Variants in GRTP1 observed in about 807,000 individuals in gnomAD.
The protein encoded by GRTP1 is growth hormone regulated TBC protein 1.
A neutral mutation model predicts 38.1 loss-of-function variants in GRTP1; 56 were observed. That is an observed-to-expected ratio of 1.47 (90% CI 1.19 to 1.84). The LOEUF (loss-of-function observed/expected upper bound fraction) is 1.84, where lower values mean the gene tolerates loss of function less well. GRTP1 is among the 40% of genes most tolerant of loss of function. The pLI, the probability that GRTP1 is intolerant of heterozygous loss-of-function variation, is 0.00. For synonymous variants in GRTP1, 217 were observed against 189.5 expected (o/e 1.14, Z -1.19); for missense variants, 506 against 453.9 (o/e 1.11, Z -1.04).
chr13:113,361,210 TAAAA>T (rs60140159), intron 2 of GRTP1, among the ~76,000 whole-genome samples: 6 of 125,354 alleles, frequency 4.8e-5, no homozygotes, highest in Non-Finnish European at 6.5e-5. Flanking sequence ...AGACCAATGC[TAAAA>T]AAAAAAAAAA....
chr13:113,347,628 ACCTGGGAGGACCTCTGTGGCTGAG>A (rs1209700450), intron 4 of GRTP1, among the ~76,000 whole-genome samples: 7 of 63,024 alleles, frequency 1.1e-4, no homozygotes, highest in East Asian at 3.0e-4. Context: ...CTGAGAGCGG[ACCTGGGAGGACCTCTGTGGCTGAG>A]CAGATCTGGG....
Position 113,325,780 on chromosome 13 carries a change from T to G in GRTP1, c.802A>C (p.Thr268Pro). 1.2e-6 allele frequency: 2 copies of G among 1,614,160 alleles called. No homozygotes were observed. Among genetic ancestry groups the G allele is most frequent in the South Asian group, 1.1e-5 (1 of 91,082 alleles). ...GSKIIFRVALTLIKQHQELIL... is the reference protein window; with the variant it reads ...GSKIIFRVALPLIKQHQELIL... The stretch of plus-strand genomic sequence containing the variant: ...AACTCCTGGTGCTGCTTAATTAAGG[T>G]CAGGGCCACCCGGAAGATAATCTTC... Residue 268 changes from threonine to proline, a missense_variant, in exon 7 of 8, where the codon ACC becomes CCC. Transcript: ENST00000375431.
At chr13:113,354,879 A>G (rs1192431172) in intron 3 of GRTP1, among the ~76,000 whole-genome samples, 1 of 152,174 alleles carries the variant, frequency 6.6e-6, no homozygotes, top group Admixed American at 6.5e-5. Context: ...CAGGGACCCT[A>G]TGGTTATGTG....
chr13:113,352,490 C>T (rs574720580), intron 3 of GRTP1, among the ~76,000 whole-genome samples: 1 of 151,018 alleles, frequency 6.6e-6, no homozygotes, highest in Non-Finnish European at 1.5e-5. Flanking sequence ...CCTCCCACCT[C>T]AGCTTCCTGA....
At chr13:113,347,506 GCGGACC>G (rs2043175561) in intron 4 of GRTP1, among the ~76,000 whole-genome samples, 2 of 49,604 alleles carry the variant, frequency 4.0e-5, no homozygotes, top group African/African-American at 1.3e-4. Context: ...GTGGCCGAGA[GCGGACC>G]CAGGAGCACC....
Position 113,326,100 on chromosome 13 carries a change from CA to C in GRTP1, c.563-10del. 5 of 1,605,750 alleles carry C rather than the reference CA, an allele frequency of 3.1e-6. No individual in the cohort carries two copies. The South Asian group carries it at 5.5e-5, about 18-fold the overall frequency. ...GGCCGGGCTGTAGTAATCTGCCAGG[CA>C]ATGTGGAGAAAAGACCCCGAGACAC... On this transcript the variant is annotated splice_polypyrimidine_tract_variant and intron_variant, in intron 5 of 7. Coordinates refer to ENST00000375431, the MANE Select transcript of GRTP1 (RefSeq NM_024719.4).
rs532932814 is a variant in GRTP1, at chr13:113,349,624, G to A, written c.465+1225C>T. 2.0e-5 allele frequency among the ~76,000 whole-genome samples: 3 copies of A among 152,202 alleles called. No individual in the cohort carries two copies. The highest frequency in any genetic ancestry group is 2.9e-5 in the Non-Finnish European group (2 of 68,036). The stretch of plus-strand genomic sequence containing the variant: ...GCCAGCCAGCTACAGAGCCACACAC[G>A]CACAGCACGTGGAACAGCTGGTGAG... On this transcript the variant is annotated intron_variant, in intron 4 of 7. Coordinates refer to ENST00000375431, the MANE Select transcript of GRTP1 (RefSeq NM_024719.4). This position sits in a 1 kb window ranked among gnomAD's most constrained non-coding sequence, Gnocchi z 5.0.
In GRTP1 at chr13:113,345,960, A is replaced by G. The variant is rs148573742; in HGVS notation, c.466-1001T>C. 4.0e-3 allele frequency among the ~76,000 whole-genome samples: 601 copies of G among 149,578 alleles called. 1 individual carries two copies. The highest frequency in any genetic ancestry group is 0.012 in the African/African-American group (492 of 40,232). On this transcript the variant is annotated intron_variant, in intron 4 of 7. Transcript: ENST00000375431. Reference sequence around the variant, plus strand: ...ATGCTGGGAAGACCTCTGTGGCCAAAAGCAGACCCAGGAGGACTTTTGTGG... The same window carrying G: ...ATGCTGGGAAGACCTCTGTGGCCAAGAGCAGACCCAGGAGGACTTTTGTGG...
intron 4 of GRTP1, among the ~76,000 whole-genome samples, chr13:113,347,586 G>A (rs1385682511): frequency 1.3e-5 from 1 of 79,426 alleles, no homozygotes; most frequent in Non-Finnish European, 2.9e-5. Flanking sequence ...GGACCTCTGT[G>A]GCTGAGAACA....
chr13:113,345,331 A>C (rs1341092636), intron 4 of GRTP1, among the ~76,000 whole-genome samples: 23 of 152,264 alleles, frequency 1.5e-4, no homozygotes, highest in Admixed American at 1.5e-3. Flanking sequence ...AATTATACCA[A>C]TGACCACATT....
At chr13:113,361,141 AAAG>A (rs2139544951) in intron 2 of GRTP1, among the ~76,000 whole-genome samples, 1 of 151,730 alleles carries the variant, frequency 6.6e-6, no homozygotes, top group African/African-American at 2.4e-5. Flanking sequence ...ATTAAAGCAA[AAAG>A]AAGAAAGTTG....
chr13:113,340,802 A>G (rs2043016063), intron 5 of GRTP1, among the ~76,000 whole-genome samples: 1 of 152,044 alleles, frequency 6.6e-6, no homozygotes. Flanking sequence ...TAAATAAAAC[A>G]ATAAAATAAA....
intron 2 of GRTP1, among the ~76,000 whole-genome samples, chr13:113,358,949 A>C (rs75575348): frequency 0.14 from 21,058 of 152,240 alleles, 1,625 homozygotes; most frequent in African/African-American, 0.18. Context: ...AAGTTCACAC[A>C]AAAACCTGTA....
chr13:113,346,273 C>T lies in GRTP1; in HGVS notation c.466-1314G>A, dbSNP rs146656963. On this transcript the variant is annotated intron_variant, in intron 4 of 7. Transcript: ENST00000375431. ...GTGGCCGAGAGCAGATCCGGGAGGA[C>T]CTCTGTGGCTGAGCGGATCTGGGAG... 7.3e-4 allele frequency among the ~76,000 whole-genome samples: 45 copies of T among 61,686 alleles called. 1 individual carries two copies. The highest frequency in any genetic ancestry group is 9.3e-3 in the Middle Eastern group (1 of 108). The allele number at this position is 61,686 out of a possible 152,430, so 40.5% of individuals were successfully genotyped here. A position where few individuals can be genotyped will look rare whatever the true frequency, so the allele number is the denominator to read the frequency against.
chr13:113,332,272 G>C (rs1249739826), intron 5 of GRTP1, among the ~76,000 whole-genome samples: 1 of 142,066 alleles, frequency 7.0e-6, no homozygotes, highest in Non-Finnish European at 1.5e-5. Flanking sequence ...CCACACACAG[G>C]TACACACGTG....
chr13:113,344,809 T>C, intron 5 of GRTP1, 54 bp downstream of exon 5: 1 of 1,528,178 alleles, frequency 6.5e-7, no homozygotes, highest in Non-Finnish European at 8.8e-7. Context: ...GGAATCATTT[T>C]GGCAGCACCA....
At chr13:113,352,360 TTATA>T (rs143437113) in intron 3 of GRTP1, among the ~76,000 whole-genome samples, 7 of 50,628 alleles carry the variant, frequency 1.4e-4, no homozygotes, top group African/African-American at 1.9e-4. Flanking sequence ...TATATATATT[TTATA>T]TATATATATA....
At chr13:113,331,688 C>T (rs188191094) in intron 5 of GRTP1, among the ~76,000 whole-genome samples, 113 of 133,014 alleles carry the variant, frequency 8.5e-4, no homozygotes, top group African/African-American at 3.0e-3. Context: ...CAGAGTCTCA[C>T]TCTGTCACCC....
intron 5 of GRTP1, among the ~76,000 whole-genome samples, chr13:113,332,223 C>T (rs2042881005): frequency 6.6e-6 from 1 of 151,594 alleles, no homozygotes; most frequent in Non-Finnish European, 1.5e-5. Flanking sequence ...TCCCTATCTG[C>T]ACGCACACCA....
Sources: allele counts gnomAD v4.1 joint callset (sites outside exome capture counted in the v4.1 genomes callset), GRCh38; gene constraint gnomAD v4.1.1; non-coding constraint Gnocchi (gnomAD v3.1); transcripts MANE v1.5; gene names NCBI Gene and HGNC (gene_info 2026-07-23, HGNC 2026-07-21).